AKAP13: variants seen among roughly 807,000 people sequenced by gnomAD.
AKAP13 encodes A-kinase anchoring protein 13.
Under a neutral mutation model 264.5 loss-of-function variants are expected in AKAP13, and 80 were observed. The ratio of observed to expected loss-of-function variants is 0.30; its 90% confidence interval spans 0.25 to 0.36. The LOEUF (loss-of-function observed/expected upper bound fraction) is 0.36, where lower values mean the gene tolerates loss of function less well. Among genes scored for constraint, AKAP13 ranks in the 10% least tolerant of loss-of-function variants. AKAP13 has a pLI of 1.00. For missense variants in AKAP13, 3,712 were observed against 3,435.2 expected (o/e 1.08, Z -2.01); for synonymous variants, 1,380 against 1,250.2 (o/e 1.10, Z -2.19).
chr15:85,387,086 A>G (rs924730706), intron 1 of AKAP13, among the ~76,000 whole-genome samples: 2 of 151,860 alleles, frequency 1.3e-5, no homozygotes, highest in African/African-American at 4.8e-5. Context: ...CTGTAATCCT[A>G]GCACTTTGGA....
At chr15:85,677,658 T>G (rs953101183) in intron 14 of AKAP13, among the ~76,000 whole-genome samples, 1 of 151,128 alleles carries the variant, frequency 6.6e-6, no homozygotes, top group Admixed American at 6.6e-5. Flanking sequence ...TTTTTTTTTT[T>G]TTTTTGAGAT....
intron 2 of AKAP13, among the ~76,000 whole-genome samples, chr15:85,489,383 A>G (rs150282511): frequency 3.0e-4 from 45 of 152,328 alleles, no homozygotes; most frequent in Non-Finnish European, 1.6e-4. Flanking sequence ...CAACAGTAAT[A>G]CTTAATGGGG....
At chr15:85,539,968 G>T (rs2077529176) in intron 4 of AKAP13, among the ~76,000 whole-genome samples, 1 of 152,128 alleles carries the variant, frequency 6.6e-6, no homozygotes, top group South Asian at 2.1e-4. Flanking sequence ...ATAAAATCAG[G>T]TTTATTATGA....
intron 23 of AKAP13, among the ~76,000 whole-genome samples, chr15:85,721,139 G>A (rs577750313): frequency 1.3e-5 from 2 of 152,214 alleles, no homozygotes; most frequent in African/African-American, 4.8e-5. Context: ...TTGTACTTGT[G>A]TACAACCCCT....
intron 8 of AKAP13, among the ~76,000 whole-genome samples, chr15:85,590,218 C>G (rs1055233207): frequency 6.6e-6 from 1 of 152,158 alleles, no homozygotes; most frequent in Non-Finnish European, 1.5e-5. Context: ...CTACCGGCTT[C>G]AAAACCAGTA....
chr15:85,405,984 T>G (rs368665312), intron 1 of AKAP13, among the ~76,000 whole-genome samples: 2 of 152,090 alleles, frequency 1.3e-5, no homozygotes, highest in African/African-American at 2.4e-5. Flanking sequence ...AGTAGCTGCA[T>G]CTACAGGCAT....
intron 2 of AKAP13, among the ~76,000 whole-genome samples, chr15:85,498,536 A>AT (rs1247122437): frequency 2.6e-5 from 4 of 152,038 alleles, no homozygotes; most frequent in Middle Eastern, 3.4e-3. Flanking sequence ...TGCTCTTCCC[A>AT]TTTCATCTCT....
intron 5 of AKAP13, among the ~76,000 whole-genome samples, chr15:85,565,138 G>T (rs560145544): frequency 6.6e-6 from 1 of 152,174 alleles, no homozygotes; most frequent in Non-Finnish European, 1.5e-5. Flanking sequence ...CTTTAACACT[G>T]TCTGATGTAG....
intron 35 of AKAP13, 132 bp downstream of exon 35, chr15:85,741,627 GCACTT>G: frequency 7.4e-7 from 1 of 1,358,886 alleles, no homozygotes; most frequent in Non-Finnish European, 9.5e-7. Flanking sequence ...TGTGATCCCA[GCACTT>G]TAGGAGGCTG....
At chr15:85,515,449 C>T (rs764780084) in intron 2 of AKAP13, among the ~76,000 whole-genome samples, 2 of 138,598 alleles carry the variant, frequency 1.4e-5, no homozygotes, top group East Asian at 4.1e-4. Context: ...AACCACGGCA[C>T]AATACCAAAA....
intron 2 of AKAP13, among the ~76,000 whole-genome samples, chr15:85,494,652 A>T (rs1014824994): frequency 6.6e-6 from 1 of 152,146 alleles, no homozygotes; most frequent in African/African-American, 2.4e-5. Flanking sequence ...AGTCTTCCGG[A>T]AGAGTGAGGA....
chr15:85,714,270 C>G (rs1364948785), intron 19 of AKAP13, among the ~76,000 whole-genome samples: 1 of 152,118 alleles, frequency 6.6e-6, no homozygotes, highest in Non-Finnish European at 1.5e-5. Flanking sequence ...GGTCTTCATC[C>G]TTGTCGTTTT....
At position 85,741,033 on chromosome 15, in the gene AKAP13, G is replaced by A. The variant is rs771640872; in HGVS notation, c.7609-13G>A. 1.0e-5 allele frequency: 16 copies of A among 1,594,312 alleles called. No homozygotes were observed. In the South Asian group the frequency reaches 1.7e-4, roughly 17 times the overall value. On this transcript the variant is annotated splice_polypyrimidine_tract_variant and intron_variant, in intron 34 of 36. Transcript: ENST00000394518. Reference sequence around the variant, plus strand: ...GGCCAGAGTTGCAGGGCTCCCCTCTGTGTGCCTCCCAGGGTGTGGTGCTGC... The same window carrying A: ...GGCCAGAGTTGCAGGGCTCCCCTCTATGTGCCTCCCAGGGTGTGGTGCTGC...
chr15:85,610,995 C>G (rs2080591803), intron 8 of AKAP13, among the ~76,000 whole-genome samples: 1 of 152,116 alleles, frequency 6.6e-6, no homozygotes, highest in South Asian at 2.1e-4. Context: ...TCCCCTCCCC[C>G]AAAAAACCTT....
intron 1 of AKAP13, among the ~76,000 whole-genome samples, chr15:85,484,390 TAGTC>T (rs1286058031): frequency 7.2e-5 from 11 of 151,958 alleles, no homozygotes; most frequent in East Asian, 1.9e-4. Flanking sequence ...TAAGTGAAGA[TAGTC>T]AGGAAGGAAA....
chr15:85,664,670 G>T lies in AKAP13; in HGVS notation c.4907G>T (p.Gly1636Val). ...NAEELRHPFS[G>V]EERVDSLVSL... ...GAAGAGCTCAGACACCCATTCAGTG[G>T]TGAGGAACGGGTTGACTCTTTGGTG... is the stretch of plus-strand genomic sequence containing the variant. Residue 1636 changes from glycine (G) to valine (V), a missense_variant, in exon 13 of 37, where the codon GGT becomes GTT. By Grantham distance (109) the Gly-to-Val change is moderately radical (BLOSUM62 -3). This residue lies in a region of AKAP13 where 2,759 missense variants were observed against 2,411.7 expected (regional missense o/e 1.14). Transcript: ENST00000394518. The T allele has an allele frequency of 6.2e-7, 1 of 1,614,148 alleles. No individual in the cohort carries two copies. The highest frequency in any genetic ancestry group is 2.2e-5 in the East Asian group (1 of 44,882).
chr15:85,731,167 A>G (rs1038128052), intron 30 of AKAP13, among the ~76,000 whole-genome samples: 1 of 151,724 alleles, frequency 6.6e-6, no homozygotes. Context: ...CACCACACCC[A>G]GCTAATTTTT....
chr15:85,451,228 G>A (rs1440234149), intron 1 of AKAP13, among the ~76,000 whole-genome samples: 1 of 152,146 alleles, frequency 6.6e-6, no homozygotes, highest in Non-Finnish European at 1.5e-5. Flanking sequence ...TTGCTTGGTA[G>A]ATTTTTCTCC....
intron 5 of AKAP13, among the ~76,000 whole-genome samples, chr15:85,554,407 A>G (rs1225687453): frequency 6.6e-6 from 1 of 152,198 alleles, no homozygotes; most frequent in Non-Finnish European, 1.5e-5. Context: ...TTTAACCACC[A>G]TTCAGTTTCT....
Sources: allele counts gnomAD v4.1 joint callset (sites outside exome capture counted in the v4.1 genomes callset), GRCh38; gene constraint gnomAD v4.1.1; regional missense constraint gnomAD v4.1.1; transcripts MANE v1.5; gene names NCBI Gene and HGNC (gene_info 2026-07-23, HGNC 2026-07-21).